TCF4: variants seen among roughly 807,000 people sequenced by gnomAD.
TCF4 encodes SL3-3 enhancer factor 2.
TCF4 carries 3 observed loss-of-function variants against 82.1 expected under a neutral mutation model. The observed-to-expected ratio is 0.04, with a 90% confidence interval of 0.02 to 0.09. The LOEUF (loss-of-function observed/expected upper bound fraction) is 0.09. TCF4 is among the 10% of genes least tolerant of loss of function. The pLI is 1.00. For synonymous variants in TCF4, 276 were observed against 309.6 expected (o/e 0.89, Z 1.14); for missense variants, 518 against 852.7 (o/e 0.61, Z 4.89).
At chr18:55,635,881 A>C (rs2097735936) in exon 1 of TCF4, 1 of 1,568,264 alleles carries the variant, frequency 6.4e-7, no homozygotes. Context: ...TATTTTCTCC[A>C]GCCTTTTAGA....
chr18:55,462,663 T>G (rs1313501508), intron 4 of TCF4, among the ~76,000 whole-genome samples: 1 of 152,190 alleles, frequency 6.6e-6, no homozygotes, highest in African/African-American at 2.4e-5. Context: ...AAGTACCATG[T>G]GTACTGAATG....
chr18:55,232,758 T>C (rs1183502957), intron 16 of TCF4, 87 bp from the exon 17 acceptor site: 25 of 1,506,160 alleles, frequency 1.7e-5, no homozygotes, highest in Non-Finnish European at 2.2e-5. Flanking sequence ...AGACAATTCA[T>C]ACTGCTGAAC....
At chr18:55,491,770 A>T (rs2096579582) in intron 3 of TCF4, among the ~76,000 whole-genome samples, 1 of 152,182 alleles carries the variant, frequency 6.6e-6, no homozygotes, top group Non-Finnish European at 1.5e-5. Flanking sequence ...TCCTTTGATG[A>T]ATCTGTTCCT....
At chr18:55,322,833 G>A (rs2075943101) in intron 8 of TCF4, among the ~76,000 whole-genome samples, 1 of 152,172 alleles carries the variant, frequency 6.6e-6, no homozygotes, top group Non-Finnish European at 1.5e-5. Context: ...TCGAACCGAC[G>A]AATATCTTAC....
intron 12 of TCF4, among the ~76,000 whole-genome samples, chr18:55,260,342 T>A (rs1409843339): frequency 6.7e-6 from 1 of 148,236 alleles, no homozygotes; most frequent in Non-Finnish European, 1.5e-5. Context: ...AACTTTCCTT[T>A]CCTCATCTAC....
chr18:55,490,433 C>T (rs1313851920), intron 3 of TCF4, among the ~76,000 whole-genome samples: 1 of 152,070 alleles, frequency 6.6e-6, no homozygotes, highest in Non-Finnish European at 1.5e-5. Flanking sequence ...GTTTGCTCAT[C>T]TGTGAAATGG....
At chr18:55,273,357 G>A (rs2060792859) in intron 10 of TCF4, among the ~76,000 whole-genome samples, 1 of 152,114 alleles carries the variant, frequency 6.6e-6, no homozygotes, top group South Asian at 2.1e-4. Context: ...TCCAGGAACA[G>A]CGCTTAGCTT....
intron 3 of TCF4, among the ~76,000 whole-genome samples, chr18:55,477,032 G>C (rs1006314416): frequency 6.6e-6 from 1 of 152,154 alleles, no homozygotes; most frequent in Admixed American, 6.5e-5. Flanking sequence ...GTTTAAAACA[G>C]TTCCCATATG....
At chr18:55,278,542 A>G (rs1406025956) in intron 9 of TCF4, among the ~76,000 whole-genome samples, 1 of 148,612 alleles carries the variant, frequency 6.7e-6, no homozygotes. Context: ...TTTTTAAAAA[A>G]TTCATTTATT....
chr18:55,320,982 AG>A (rs1221758356), intron 8 of TCF4: 1 of 152,662 alleles, frequency 6.6e-6, no homozygotes, highest in Non-Finnish European at 1.5e-5. Context: ...TTCTGTTGGA[AG>A]GGGGGGAAAT....
intron 10 of TCF4, 69 bp downstream of exon 10, chr18:55,275,550 T>A: frequency 6.2e-7 from 1 of 1,607,368 alleles, no homozygotes; most frequent in Non-Finnish European, 8.5e-7. Context: ...TGTATATGCA[T>A]GGAAAGACAG....
At chr18:55,419,730 C>T (rs993916193) in intron 5 of TCF4, among the ~76,000 whole-genome samples, 1 of 152,132 alleles carries the variant, frequency 6.6e-6, no homozygotes, top group Non-Finnish European at 1.5e-5. Flanking sequence ...CTTTGATACG[C>T]AAATGTTCTC....
intron 8 of TCF4, chr18:55,321,957 C>T: frequency 7.5e-7 from 1 of 1,337,826 alleles, no homozygotes. Context: ...TGGAAGGCAG[C>T]CCGGCCCTGA....
At chr18:55,534,740 C>T (rs1208996503) in intron 3 of TCF4, among the ~76,000 whole-genome samples, 2 of 152,198 alleles carry the variant, frequency 1.3e-5, no homozygotes, top group African/African-American at 4.8e-5. Context: ...TCTACCACAT[C>T]GGTAGCTTTT....
intron 2 of TCF4, among the ~76,000 whole-genome samples, chr18:55,594,790 A>G (rs1391587427): frequency 1.3e-5 from 2 of 152,214 alleles, no homozygotes; most frequent in African/African-American, 4.8e-5. Flanking sequence ...AACATTTTAC[A>G]GAGGAGGAGA....
At chr18:55,328,602 G>A (rs1203893095) in intron 8 of TCF4, among the ~76,000 whole-genome samples, 2 of 152,104 alleles carry the variant, frequency 1.3e-5, no homozygotes. Context: ...AATGAAATTC[G>A]AGGACAATTG....
Position 55,227,483 on chromosome 18 carries a change from G to A in TCF4, c.*552C>T, listed in dbSNP as rs2046745040. 6.6e-6 allele frequency: 1 copy of A among 151,946 alleles called. No individual in the cohort carries two copies. The highest frequency in any genetic ancestry group is 1.5e-5 in the Non-Finnish European group (1 of 67,920). The allele number at this position is 151,946 out of a possible 1,614,324, so 9.4% of individuals were successfully genotyped here. A position where few individuals can be genotyped will look rare whatever the true frequency, so the allele number is the denominator to read the frequency against. ...TAATGTCATCACTTCGTTGTCATCAGGACGTTTGCTGGTTTTGTTACTAGG... is the reference window on the plus strand; with the variant it reads ...TAATGTCATCACTTCGTTGTCATCAAGACGTTTGCTGGTTTTGTTACTAGG... On this transcript the variant is annotated 3_prime_UTR_variant, in exon 20 of 20. Coordinates refer to ENST00000354452, the MANE Select transcript of TCF4 (RefSeq NM_001083962.2).
intron 5 of TCF4, among the ~76,000 whole-genome samples, chr18:55,439,913 G>A (rs1324022845): frequency 1.3e-5 from 2 of 151,974 alleles, no homozygotes; most frequent in South Asian, 2.1e-4. Flanking sequence ...TAGTAGACAC[G>A]GGGTTTCACC....
At chr18:55,384,462 G>A (rs563748247) in intron 6 of TCF4, among the ~76,000 whole-genome samples, 1 of 152,266 alleles carries the variant, frequency 6.6e-6, no homozygotes, top group African/African-American at 2.4e-5. Context: ...CTGTGAGAAG[G>A]CTCAGGTCAA....
Sources: allele counts gnomAD v4.1 joint callset (sites outside exome capture counted in the v4.1 genomes callset), GRCh38; gene constraint gnomAD v4.1.1; transcripts MANE v1.5; gene names NCBI Gene and HGNC (gene_info 2026-07-23, HGNC 2026-07-21).